TGM2: variants seen among roughly 807,000 people sequenced by gnomAD.
TGM2 encodes protein-glutamine gamma-glutamyltransferase 2.
A neutral mutation model predicts 75.6 loss-of-function variants in TGM2; 53 were observed. The ratio of observed to expected loss-of-function variants is 0.70; its 90% CI spans 0.56 to 0.88. The LOEUF is 0.88. Among genes scored for constraint, TGM2 ranks in the 40% least tolerant of loss-of-function variants. TGM2 has a pLI of 0.00. For synonymous variants in TGM2, 374 were observed against 381.1 expected (o/e 0.98, Z 0.22); for missense variants, 842 against 928.5 (o/e 0.91, Z 1.21).
chr20:38,142,532 C>T (rs2074989307), intron 6 of TGM2, among the ~76,000 whole-genome samples: 1 of 152,080 alleles, frequency 6.6e-6, no homozygotes, highest in Admixed American at 6.6e-5. Context: ...ATGGTGAAAC[C>T]CCGTCTCTAC....
upstream of TGM2, among the ~76,000 whole-genome samples, chr20:38,165,744 C>T (rs1568709362): frequency 6.6e-6 from 1 of 151,568 alleles, no homozygotes; most frequent in Non-Finnish European, 1.5e-5. Flanking sequence ...ACACAGAGAG[C>T]AGACGCAGAC....
In TGM2 at chr20:38,146,768, G is replaced by A. The variant is rs375063245; in HGVS notation, c.808C>T (p.Gln270Ter). 2.5e-6 allele frequency: 4 copies of A among 1,613,616 alleles called. No individual in the cohort carries two copies. The African/African-American group carries it at 5.3e-5, about 22-fold the overall frequency. The change falls in exon 6 of 13, where the codon CAG (glutamine) becomes TAG (stop). Residue 270 changes from glutamine (Q) to a stop codon, truncating the protein, a stop_gained. Transcript: ENST00000361475. LOFTEE classifies it high-confidence loss of function. ...CAGCACTGGCCATACTTGACGCGCT[G>A]GCAGCCGTGGTTCTTCCAGCGCCGC... ...ILRRWKNHGC[Q>*]RVKYGQCWVF... is the part of the protein sequence containing the mutation.
chr20:38,167,708 A>G (rs1252584773), upstream of TGM2, among the ~76,000 whole-genome samples: 2 of 152,118 alleles, frequency 1.3e-5, no homozygotes, highest in African/African-American at 2.4e-5. Flanking sequence ...CCAGCCCCCA[A>G]AAGTGTTTGA....
At chr20:38,140,773 T>G (rs1385326153) in intron 8 of TGM2, among the ~76,000 whole-genome samples, 1 of 152,250 alleles carries the variant, frequency 6.6e-6, no homozygotes, top group African/African-American at 2.4e-5. Flanking sequence ...CAACTGTATT[T>G]TAATGTAATT....
chr20:38,162,139 G>A (rs762874009), intron 1 of TGM2, among the ~76,000 whole-genome samples: 1 of 152,190 alleles, frequency 6.6e-6, no homozygotes, highest in Admixed American at 6.5e-5. Context: ...TCACAAGGTC[G>A]TGACCCCCTG....
chr20:38,139,762 C>A, intron 8 of TGM2, 108 bp from the exon 9 acceptor site: 3 of 1,452,774 alleles, frequency 2.1e-6, no homozygotes, highest in South Asian at 1.3e-5. Flanking sequence ...CAAGACCACG[C>A]GGCCCTCTGA....
At position 38,132,461 on chromosome 20, in the gene TGM2, C is replaced by T. The variant is rs776026322; in HGVS notation, c.1655G>A (p.Arg552His). 7.9e-5 allele frequency: 128 copies of T among 1,614,006 alleles called. No individual in the cohort carries two copies. Among genetic ancestry groups the T allele is most frequent in the Non-Finnish European group, 1.0e-4 (122 of 1,180,034 alleles). ...GAGGTTGGACTCCGTAAGGCAGTCACGGTATTTCTCATAGAGGATGCAAAG... is the reference window on the plus strand; with the variant it reads ...GAGGTTGGACTCCGTAAGGCAGTCATGGTATTTCTCATAGAGGATGCAAAG... ...VPLCILYEKY[R>H]DCLTESNLIK... Residue 552 changes from arginine to histidine, a missense_variant, in exon 11 of 13, where the codon CGT becomes CAT. By Grantham distance (29) the Arg-to-His change is conservative. Transcript: ENST00000361475.
chr20:38,162,811 C>T (rs746636886), intron 1 of TGM2, among the ~76,000 whole-genome samples: 7 of 152,168 alleles, frequency 4.6e-5, no homozygotes, highest in East Asian at 3.8e-4. Context: ...GGAGACACCA[C>T]GGTGGTCAGT....
chr20:38,152,730 C>T (rs996698264), intron 3 of TGM2, among the ~76,000 whole-genome samples: 9 of 152,246 alleles, frequency 5.9e-5, no homozygotes, highest in African/African-American at 2.2e-4. Flanking sequence ...CCTCCCGCAG[C>T]GCCCCTGCGC....
intron 4 of TGM2, among the ~76,000 whole-genome samples, chr20:38,148,746 G>C (rs1386332649): frequency 3.3e-5 from 5 of 152,128 alleles, no homozygotes; most frequent in African/African-American, 9.7e-5. Context: ...CAGGGCCCTT[G>C]CATGTGCTAT....
intron 1 of TGM2, 103 bp from the exon 2 acceptor site, chr20:38,161,702 C>G: frequency 7.3e-7 from 1 of 1,372,614 alleles, no homozygotes; most frequent in Non-Finnish European, 1.0e-6. Flanking sequence ...CCTCTTACTC[C>G]CCACAAAGCA....
chr20:38,163,706 T>C (rs1243205874), intron 1 of TGM2, among the ~76,000 whole-genome samples: 1 of 152,082 alleles, frequency 6.6e-6, no homozygotes, highest in Admixed American at 6.5e-5. Flanking sequence ...GGGATGTCGG[T>C]CCCCGTGTAA....
rs962630807 is a variant in TGM2, at chr20:38,130,335, C to A, written c.1948G>T (p.Val650Leu). 6.2e-7 allele frequency: 1 copy of A among 1,603,834 alleles called. No homozygotes were observed. Among genetic ancestry groups the A allele is most frequent in the Admixed American group, 1.7e-5 (1 of 58,014 alleles). The change falls in exon 13 of 13, where the codon GTG (valine) becomes TTG (leucine). Residue 650 changes from valine to leucine, a missense_variant. Physicochemically the swap from Val to Leu is conservative, Grantham distance 32 (BLOSUM62 1). Coordinates refer to ENST00000361475, the MANE Select transcript of TGM2 (RefSeq NM_004613.4). ...DPVEAGEEVKVRMDLLPLHMG... is the reference protein window; with the variant it reads ...DPVEAGEEVKLRMDLLPLHMG... ...TGGAGCGGCAGCAGGTCCATTCTCA[C>A]CTTAACTTCCTCCCCTGCCTCCACG...
chr20:38,132,617 A>G, intron 10 of TGM2, 117 bp from the exon 11 acceptor site: 1 of 1,396,056 alleles, frequency 7.2e-7, no homozygotes, highest in African/African-American at 1.4e-5. Context: ...ACAGCGGGGG[A>G]ATGGCTGGGC....
chr20:38,134,990 C>A (rs1312726074), intron 10 of TGM2, among the ~76,000 whole-genome samples: 1 of 152,234 alleles, frequency 6.6e-6, no homozygotes, highest in Non-Finnish European at 1.5e-5. Context: ...ACCTTCTGTC[C>A]TCCCCTTCCT....
rs768779162 is a variant in TGM2, at chr20:38,161,567, C to T, written c.43G>A (p.Glu15Lys). ...GTGTGGTGGTCTCGGCCATTGGTCTCCAGCTCCAGATCACACCTCTCTAAG... is the reference window on the plus strand; with the variant it reads ...GTGTGGTGGTCTCGGCCATTGGTCTTCAGCTCCAGATCACACCTCTCTAAG... ...LVLERCDLEL[E>K]TNGRDHHTAD... Residue 15 changes from glutamate (E) to lysine (K), a missense_variant, in exon 2 of 13, where the codon GAG becomes AAG. By Grantham distance (56) the Glu-to-Lys change is moderately conservative (BLOSUM62 1). Coordinates refer to ENST00000361475, the MANE Select transcript of TGM2 (RefSeq NM_004613.4). The T allele has an allele frequency of 6.2e-7, 1 of 1,614,178 alleles. No homozygotes were observed. The highest frequency in any genetic ancestry group is 8.5e-7 in the Non-Finnish European group (1 of 1,180,036).
intron 5 of TGM2, 34 bp from the exon 6 acceptor site, chr20:38,146,928 T>C (rs1157034759): frequency 1.2e-6 from 2 of 1,604,182 alleles, no homozygotes; most frequent in Non-Finnish European, 1.7e-6. Context: ...GGACTGAGCC[T>C]GGGATGGGGT....
In TGM2 at chr20:38,128,216, G is replaced by C. The variant is rs1389643694; in HGVS notation, c.*2003C>G. 6.6e-6 allele frequency: 1 copy of C among 152,232 alleles called. No homozygotes were observed. The highest frequency in any genetic ancestry group is 1.5e-5 in the Non-Finnish European group (1 of 68,064). The allele number at this position is 152,232 out of a possible 1,614,324, so 9.4% of individuals were successfully genotyped here. On this transcript the variant is annotated 3_prime_UTR_variant, in exon 13 of 13. Transcript: ENST00000361475. ...GGAACTACATACACAAAAGCCAAGA[G>C]GTAGACAACTACGCAGGGTGTTCTG...
At position 38,133,185 on chromosome 20, in the gene TGM2, T is replaced by G. The variant is rs534947860; in HGVS notation, c.1616-685A>C. ...CACACTCACTGAAGAATGCCTCTCA[T>G]GGACATAAGGTCATTTCCCTCCACG... On this transcript the variant is annotated intron_variant, in intron 10 of 12. Transcript: ENST00000361475. The G allele has an allele frequency of 3.6e-5, 9 of 248,328 alleles. No homozygotes were observed. In the South Asian group the frequency reaches 4.4e-4, roughly 12 times the overall value. The allele number at this position is 248,328 out of a possible 1,614,324, so 15.4% of individuals were successfully genotyped here.
Sources: allele counts gnomAD v4.1 joint callset (sites outside exome capture counted in the v4.1 genomes callset), GRCh38; gene constraint gnomAD v4.1.1; transcripts MANE v1.5; gene names NCBI Gene and HGNC (gene_info 2026-07-23, HGNC 2026-07-21).